KCNIP4: variants seen among roughly 807,000 people sequenced by gnomAD.
KCNIP4 encodes the protein Kv channel-interacting protein 4.
KCNIP4 carries 12 observed loss-of-function variants against 34.0 expected under a neutral mutation model. The observed-to-expected ratio is 0.35, with a 90% CI of 0.23 to 0.57. KCNIP4 has a LOEUF of 0.57. KCNIP4 is among the 20% of genes least tolerant of loss of function. The pLI is 0.83. For synonymous variants in KCNIP4, 124 were observed against 102.2 expected (o/e 1.21, Z -1.29); for missense variants, 238 against 311.7 (o/e 0.76, Z 1.78).
chr4:21,906,501 G>A (rs1043219965), intron 1 of KCNIP4, among the ~76,000 whole-genome samples: 4 of 152,134 alleles, frequency 2.6e-5, no homozygotes, highest in Non-Finnish European at 2.9e-5. Context: ...GCCTGCCAGG[G>A]AGGATCCTGG....
chr4:20,943,232 C>T (rs1172476229), intron 1 of KCNIP4, among the ~76,000 whole-genome samples: 1 of 152,128 alleles, frequency 6.6e-6, no homozygotes, highest in African/African-American at 2.4e-5. Context: ...ATAATGGTCT[C>T]TGTTCTTCTG....
chr4:21,100,446 G>A (rs1296077360), intron 1 of KCNIP4, among the ~76,000 whole-genome samples: 1 of 152,144 alleles, frequency 6.6e-6, no homozygotes, highest in African/African-American at 2.4e-5. Flanking sequence ...CCAGTTACTT[G>A]GGAGACTGAG....
chr4:21,893,355 T>A (rs1244445630), intron 1 of KCNIP4, among the ~76,000 whole-genome samples: 1 of 152,202 alleles, frequency 6.6e-6, no homozygotes, highest in African/African-American at 2.4e-5. Flanking sequence ...GTCGAAACAG[T>A]TTTTTATAAC....
chr4:21,398,588 G>T (rs555752980), intron 1 of KCNIP4, among the ~76,000 whole-genome samples: 66 of 152,304 alleles, frequency 4.3e-4, no homozygotes, highest in African/African-American at 1.5e-3. Context: ...TGCATACAGA[G>T]TGAAATTTAT....
chr4:21,426,257 T>C (rs963793653), intron 1 of KCNIP4, among the ~76,000 whole-genome samples: 3 of 152,170 alleles, frequency 2.0e-5, no homozygotes, highest in African/African-American at 7.2e-5. Context: ...ACCAGAGTAG[T>C]TTAGTGACCG....
intron 1 of KCNIP4, among the ~76,000 whole-genome samples, chr4:21,408,384 C>T (rs757353885): frequency 2.0e-4 from 31 of 151,932 alleles, no homozygotes; most frequent in Middle Eastern, 3.4e-3. Flanking sequence ...TTTAGAGCAA[C>T]GTAAATTATA....
intron 1 of KCNIP4, among the ~76,000 whole-genome samples, chr4:21,169,848 A>G (rs1451419812): frequency 6.6e-6 from 1 of 152,044 alleles, no homozygotes; most frequent in Non-Finnish European, 1.5e-5. Context: ...CTTTTGTGCA[A>G]TCTCTACTTT....
intron 1 of KCNIP4, among the ~76,000 whole-genome samples, chr4:21,112,050 T>TATCTATCTATCTATCTATCTATCTATCC (rs1442128634): frequency 1.4e-3 from 216 of 151,860 alleles, no homozygotes; most frequent in African/African-American, 2.7e-3. Flanking sequence ...TCTATCTATC[T>TATCTATCTATCTATCTATCTATCTATCC]ATCTATCTAT....
At position 20,756,523 on chromosome 4, in the gene KCNIP4, A is replaced by G. The variant is rs546102798; in HGVS notation, c.358+2298T>C. ...CTTCCACTGGTATCTACCCAGCACT[A>G]TGATCAGTTTCCTCATCACTTCACT... On this transcript the variant is annotated intron_variant, in intron 4 of 8. Transcript: ENST00000382152. Among the ~76,000 whole-genome samples the G allele has an allele frequency of 1.8e-4, 28 of 152,234 alleles. No homozygotes were observed. In the South Asian group the frequency reaches 4.6e-3, roughly 25 times the overall value.
intron 1 of KCNIP4, among the ~76,000 whole-genome samples, chr4:21,098,366 T>C (rs1022499571): frequency 4.6e-5 from 7 of 152,232 alleles, no homozygotes; most frequent in Non-Finnish European, 1.0e-4. Context: ...AGGACTTTCA[T>C]AGCTGTGGAG....
chr4:20,955,949 A>G (rs1200927938), intron 1 of KCNIP4, among the ~76,000 whole-genome samples: 1 of 152,208 alleles, frequency 6.6e-6, no homozygotes, highest in East Asian at 1.9e-4. Context: ...GGCAATTTAC[A>G]TTATTTCTCA....
chr4:21,456,313 T>C (rs1392682062), intron 1 of KCNIP4, among the ~76,000 whole-genome samples: 1 of 147,458 alleles, frequency 6.8e-6, no homozygotes, highest in East Asian at 2.0e-4. Flanking sequence ...GATCAAGATT[T>C]GCGTACATAT....
At chr4:21,380,974 C>T (rs1261042588) in intron 1 of KCNIP4, among the ~76,000 whole-genome samples, 1 of 152,074 alleles carries the variant, frequency 6.6e-6, no homozygotes, top group African/African-American at 2.4e-5. Context: ...GATGCAAGCC[C>T]CAGTGTGCTT....
chr4:21,059,695 G>A (rs1743747624), intron 1 of KCNIP4, among the ~76,000 whole-genome samples: 1 of 152,080 alleles, frequency 6.6e-6, no homozygotes, highest in Non-Finnish European at 1.5e-5. Context: ...AGATTCTAGA[G>A]ATCTAGAGAA....
intron 1 of KCNIP4, among the ~76,000 whole-genome samples, chr4:21,130,636 G>T (rs1750994688): frequency 6.6e-6 from 1 of 152,180 alleles, no homozygotes; most frequent in African/African-American, 2.4e-5. Flanking sequence ...AAAAATGAAT[G>T]AGTGGTTGAG....
chr4:21,486,645 T>A (rs1168635676), intron 1 of KCNIP4, among the ~76,000 whole-genome samples: 7 of 152,192 alleles, frequency 4.6e-5, no homozygotes, highest in Non-Finnish European at 8.8e-5. Context: ...CTATCAACTA[T>A]GCGATTTCTT....
chr4:21,057,065 C>T (rs1381872371), intron 1 of KCNIP4, among the ~76,000 whole-genome samples: 1 of 152,018 alleles, frequency 6.6e-6, no homozygotes, highest in Non-Finnish European at 1.5e-5. Flanking sequence ...TTGTTGTTGC[C>T]ACTGGGTATC....
At chr4:21,702,800 AAAAGT>A (rs1383560570) in intron 1 of KCNIP4, among the ~76,000 whole-genome samples, 9 of 152,250 alleles carry the variant, frequency 5.9e-5, no homozygotes, top group Non-Finnish European at 7.4e-5. Context: ...AATATCACAG[AAAAGT>A]AAAGTATAGA....
chr4:20,824,822 G>A (rs1218768972), intron 3 of KCNIP4, among the ~76,000 whole-genome samples: 1 of 63,018 alleles, frequency 1.6e-5, no homozygotes, highest in Non-Finnish European at 3.6e-5. Context: ...TCTCATAATT[G>A]CTTTTTTCTT....
Sources: allele counts gnomAD v4.1 joint callset (sites outside exome capture counted in the v4.1 genomes callset), GRCh38; gene constraint gnomAD v4.1.1; transcripts MANE v1.5; gene names NCBI Gene and HGNC (gene_info 2026-07-23, HGNC 2026-07-21).